ASCC1: variants seen among roughly 807,000 people sequenced by gnomAD.
ASCC1 encodes the protein activating signal cointegrator 1 complex subunit 1.
Under a neutral mutation model 46.6 loss-of-function variants are expected in ASCC1, and 35 were observed. The ratio of observed to expected loss-of-function variants is 0.75; its 90% CI spans 0.57 to 0.99. The LOEUF (loss-of-function observed/expected upper bound fraction) is 0.99, where lower values mean the gene tolerates loss of function less well. ASCC1 is among the 50% of genes least tolerant of loss of function. The probability of loss-of-function intolerance (pLI) is 0.00; values close to 1 mark genes in which losing one functional copy is unlikely to be tolerated. For synonymous variants in ASCC1, 143 were observed against 146.6 expected, an observed-to-expected ratio of 0.98 and a Z score of 0.18; for missense variants, 376 against 428.7, an observed-to-expected ratio of 0.88 and a Z score of 1.09.
intron 3 of ASCC1, among the ~76,000 whole-genome samples, 199 bp from the exon 4 acceptor site, chr10:72,203,723 T>C (rs1856818821): frequency 6.6e-6 from 1 of 152,236 alleles, no homozygotes; most frequent in African/African-American, 2.4e-5. Context: ...AGATGAGTTT[T>C]TGGCCCTATA....
intron 9 of ASCC1, among the ~76,000 whole-genome samples, chr10:72,117,990 AT>A (rs2132097670): frequency 6.6e-6 from 1 of 152,370 alleles, no homozygotes; most frequent in East Asian, 1.9e-4. Flanking sequence ...GCAATGGGAC[AT>A]TTAGCAATAG....
chr10:72,096,624 G>A lies in ASCC1; in HGVS notation c.*710C>T, dbSNP rs1488057531. The A allele has an allele frequency of 2.2e-6, 1 of 454,052 alleles. No individual in the cohort carries two copies. Among genetic ancestry groups the A allele is most frequent in the Non-Finnish European group, 4.4e-6 (1 of 226,736 alleles). The allele number at this position is 454,052 out of a possible 1,614,324, so 28.1% of individuals were successfully genotyped here. On this transcript the variant is annotated 3_prime_UTR_variant, in exon 10 of 10. Transcript: ENST00000672957. ...AAGAGATATTTGCACCCCCGTGTCT[G>A]TATTAGCACTACTCCCAATAGTCAA...
At chr10:72,192,195 C>T (rs964728332) in intron 5 of ASCC1, among the ~76,000 whole-genome samples, 2 of 151,980 alleles carry the variant, frequency 1.3e-5, no homozygotes, top group Admixed American at 6.6e-5. Flanking sequence ...GTGGCTCACG[C>T]CTGTAATCCC....
intron 5 of ASCC1, among the ~76,000 whole-genome samples, chr10:72,172,644 C>T (rs568636665): frequency 2.2e-4 from 31 of 144,086 alleles, no homozygotes; most frequent in Middle Eastern, 3.6e-3. Flanking sequence ...CTGCACCCAG[C>T]CCAATGTTGA....
At chr10:72,162,363 AG>A (rs1849800893) in intron 5 of ASCC1, among the ~76,000 whole-genome samples, 1 of 151,916 alleles carries the variant, frequency 6.6e-6, no homozygotes. Flanking sequence ...AGTAGAGAAC[AG>A]GGTTCACCAT....
intron 5 of ASCC1, among the ~76,000 whole-genome samples, chr10:72,170,053 G>C (rs1346294192): frequency 6.6e-6 from 1 of 151,980 alleles, no homozygotes; most frequent in African/African-American, 2.4e-5. Flanking sequence ...CCAGGAGGAA[G>C]ACGTTGCAGT....
At chr10:72,170,333 C>T (rs1850907509) in intron 5 of ASCC1, among the ~76,000 whole-genome samples, 1 of 152,094 alleles carries the variant, frequency 6.6e-6, no homozygotes, top group Non-Finnish European at 1.5e-5. Context: ...ACACTGTATA[C>T]TCTAAGAAGG....
At chr10:72,174,019 T>C (rs542301273) in intron 5 of ASCC1, among the ~76,000 whole-genome samples, 1 of 152,340 alleles carries the variant, frequency 6.6e-6, no homozygotes, top group South Asian at 2.1e-4. Flanking sequence ...AAAATAAACA[T>C]GTTTCTTTAT....
intron 6 of ASCC1, among the ~76,000 whole-genome samples, chr10:72,156,637 T>A (rs755538705): frequency 4.6e-5 from 7 of 151,812 alleles, no homozygotes; most frequent in Non-Finnish European, 1.0e-4. Flanking sequence ...CCGGGCGTGG[T>A]GGCGGGCGCC....
intron 6 of ASCC1, among the ~76,000 whole-genome samples, chr10:72,159,710 C>A (rs1849394772): frequency 6.6e-6 from 1 of 152,028 alleles, no homozygotes; most frequent in Non-Finnish European, 1.5e-5. Context: ...CAGGTAAGAT[C>A]TAGAGAAAAC....
intron 5 of ASCC1, among the ~76,000 whole-genome samples, chr10:72,191,955 A>T: frequency 6.6e-6 from 1 of 151,888 alleles, no homozygotes; most frequent in Middle Eastern, 3.2e-3. Flanking sequence ...CCAGGAAAAG[A>T]TTTTTTAGAC....
chr10:72,110,312 G>A (rs1332518482), intron 9 of ASCC1, among the ~76,000 whole-genome samples: 1 of 152,216 alleles, frequency 6.6e-6, no homozygotes, highest in Non-Finnish European at 1.5e-5. Flanking sequence ...TTAGAGGGGA[G>A]TACACAGGGG....
intron 3 of ASCC1, among the ~76,000 whole-genome samples, chr10:72,206,891 G>A (rs1857296963): frequency 6.6e-6 from 1 of 152,074 alleles, no homozygotes; most frequent in Non-Finnish European, 1.5e-5. Flanking sequence ...TTGAAGTTCT[G>A]TCCAGCCCAC....
intron 9 of ASCC1, among the ~76,000 whole-genome samples, chr10:72,114,623 C>CAA (rs34531262): frequency 1.1e-4 from 10 of 94,458 alleles, no homozygotes; most frequent in Non-Finnish European, 1.3e-4. Flanking sequence ...GACTCCGTCT[C>CAA]AAAAAAAAAA....
intron 3 of ASCC1, among the ~76,000 whole-genome samples, chr10:72,209,436 T>C (rs1857717489): frequency 1.3e-5 from 2 of 151,494 alleles, no homozygotes; most frequent in South Asian, 4.2e-4. Flanking sequence ...GAGCCAAGAT[T>C]GTGCCACTGC....
chr10:72,151,174 T>C (rs1589361940), intron 7 of ASCC1, among the ~76,000 whole-genome samples: 1 of 152,292 alleles, frequency 6.6e-6, no homozygotes, highest in Non-Finnish European at 1.5e-5. Context: ...CTATTCACAA[T>C]AGCAAAGACT....
rs1047720664 is a variant in ASCC1, at chr10:72,152,984, T to C, written c.631A>G (p.Ile211Val). The C allele has an allele frequency of 5.0e-6, 8 of 1,614,020 alleles. No individual in the cohort carries two copies. Among genetic ancestry groups the C allele is most frequent in the African/African-American group, 4.0e-5 (3 of 74,944 alleles). ...QQCKEEFIND[I>V]SGGKPLEVEM... is the part of the protein sequence containing the mutation. ...ACTTCTAGGGGTTTACCCCCAGAAA[T>C]ATCACTGCAAAGGAAAAAGCATTAA... Residue 211 changes from isoleucine to valine, a missense_variant, in exon 7 of 10, where the codon ATT becomes GTT. By Grantham distance (29) the Ile-to-Val change is conservative (BLOSUM62 3). Coordinates refer to ENST00000672957, the MANE Select transcript of ASCC1 (RefSeq NM_001198800.3).
intron 9 of ASCC1, among the ~76,000 whole-genome samples, chr10:72,127,660 G>GTTTCTT (rs1845028295): frequency 1.2e-5 from 1 of 86,900 alleles, no homozygotes; most frequent in Non-Finnish European, 2.2e-5. Flanking sequence ...ATACCTAAGG[G>GTTTCTT]TTTCTTTTTT....
intron 5 of ASCC1, among the ~76,000 whole-genome samples, chr10:72,192,723 G>A (rs542457010): frequency 4.1e-4 from 63 of 152,182 alleles, no homozygotes; most frequent in African/African-American, 1.3e-3. Flanking sequence ...CAAACTCCTG[G>A]CCTCAAGTGA....
Sources: gnomAD v4.1 joint callset for allele counts (sites outside exome capture counted in the v4.1 genomes callset) on GRCh38, gnomAD v4.1.1 for gene constraint, MANE v1.5 for transcripts, NCBI Gene and HGNC (gene_info 2026-07-23, HGNC 2026-07-21) for gene names.